The following ARHGAP32 variants were observed in gnomAD, a reference collection of about 807,000 sequenced individuals.
The protein encoded by ARHGAP32 is rho GTPase-activating protein 32.
ARHGAP32 carries 51 observed loss-of-function variants against 186.5 expected under a neutral mutation model. The observed-to-expected ratio is 0.27, with a 90% CI of 0.22 to 0.35. ARHGAP32 has a LOEUF of 0.35. Among genes scored for constraint, ARHGAP32 ranks in the 10% least tolerant of loss-of-function variants. The probability of loss-of-function intolerance (pLI) is 1.00; values close to 1 mark genes in which losing one functional copy is unlikely to be tolerated. For missense variants in ARHGAP32, 2,186 were observed against 2,623.5 expected (o/e 0.83, Z 3.64); for synonymous variants, 950 against 964.3 (o/e 0.99, Z 0.27).
At chr11:129,070,443 G>A (rs1340244164) in intron 6 of ARHGAP32, among the ~76,000 whole-genome samples, 1 of 151,858 alleles carries the variant, frequency 6.6e-6, no homozygotes, top group Non-Finnish European at 1.5e-5. Context: ...CCAGACACTA[G>A]AACAATGCCT....
At chr11:129,236,963 T>C (rs957979804) in intron 1 of ARHGAP32, among the ~76,000 whole-genome samples, 1 of 152,246 alleles carries the variant, frequency 6.6e-6, no homozygotes, top group Non-Finnish European at 1.5e-5. Flanking sequence ...CATAAAGGGA[T>C]GCTGGATTTT....
At chr11:128,989,473 G>A (rs1945973748) in intron 12 of ARHGAP32, among the ~76,000 whole-genome samples, 2 of 145,090 alleles carry the variant, frequency 1.4e-5, no homozygotes, top group Non-Finnish European at 3.0e-5. Flanking sequence ...TCCAACTCAG[G>A]CAGTCCAAGT....
chr11:129,196,290 A>C (rs993685672), upstream of ARHGAP32, among the ~76,000 whole-genome samples: 2 of 152,064 alleles, frequency 1.3e-5, no homozygotes, highest in African/African-American at 4.8e-5. Context: ...CATGAATTCA[A>C]CCTCTTGGTT....
chr11:129,104,994 A>T (rs889006072), intron 5 of ARHGAP32, among the ~76,000 whole-genome samples: 3 of 152,194 alleles, frequency 2.0e-5, no homozygotes, highest in Non-Finnish European at 4.4e-5. Context: ...CCCTATTCAC[A>T]AACTATTGTT....
In ARHGAP32 at chr11:129,011,429, G is replaced by A. The variant is rs187609449; in HGVS notation, c.1046-12961C>T. On this transcript the variant is annotated intron_variant, in intron 11 of 22. Transcript: ENST00000682385. ...AGTGGCTAATAAAAAAATAAACAGGGTGACGTATTAGTGACTTGAAAGAAA... is the reference window on the plus strand; with the variant it reads ...AGTGGCTAATAAAAAAATAAACAGGATGACGTATTAGTGACTTGAAAGAAA... 7.2e-5 allele frequency among the ~76,000 whole-genome samples: 11 copies of A among 152,176 alleles called. No homozygotes were observed. In the East Asian group the frequency reaches 2.1e-3, roughly 29 times the overall value.
intron 2 of ARHGAP32, among the ~76,000 whole-genome samples, chr11:129,149,509 C>T (rs1316767651): frequency 6.6e-6 from 1 of 152,194 alleles, no homozygotes; most frequent in Admixed American, 6.5e-5. Context: ...GGTAGTCCTG[C>T]TGGGTGGCTA....
intron 1 of ARHGAP32, among the ~76,000 whole-genome samples, chr11:129,242,956 C>G (rs1052390020): frequency 6.6e-6 from 1 of 152,100 alleles, no homozygotes; most frequent in Non-Finnish European, 1.5e-5. Context: ...CCCATGACAA[C>G]TTCATCCACT....
intron 2 of ARHGAP32, among the ~76,000 whole-genome samples, chr11:129,134,879 C>G (rs954614577): frequency 6.6e-6 from 1 of 152,132 alleles, no homozygotes; most frequent in African/African-American, 2.4e-5. Flanking sequence ...AAACCCTCAC[C>G]AGACACTGAA....
intron 2 of ARHGAP32, among the ~76,000 whole-genome samples, chr11:129,151,440 T>C (rs1174136415): frequency 6.6e-6 from 1 of 152,166 alleles, no homozygotes; most frequent in African/African-American, 2.4e-5. Context: ...CATCAGTACA[T>C]GGAACATTCT....
intron 19 of ARHGAP32, among the ~76,000 whole-genome samples, chr11:128,977,540 T>C (rs1382660271): frequency 6.6e-6 from 1 of 152,128 alleles, no homozygotes; most frequent in Non-Finnish European, 1.5e-5. Flanking sequence ...TCTCCTGAAA[T>C]ACCATTCTTA....
rs1259072800 is a variant in ARHGAP32, at chr11:128,988,016, A to G, written c.1298+7T>C. 6.2e-7 allele frequency: 1 copy of G among 1,604,130 alleles called. No individual in the cohort carries two copies. Among genetic ancestry groups the G allele is most frequent in the Non-Finnish European group, 8.5e-7 (1 of 1,171,736 alleles). On this transcript the variant is annotated splice_region_variant and intron_variant, in intron 13 of 22. Transcript: ENST00000682385. ...AAGGAGTGAAAAAGTGCCATATAAG[A>G]TTTTACCGTAGTCTCTGGATATTGG...
chr11:129,230,799 T>TA (rs1033227663), intron 1 of ARHGAP32, among the ~76,000 whole-genome samples: 10 of 151,992 alleles, frequency 6.6e-5, no homozygotes, highest in African/African-American at 1.9e-4. Context: ...TAAAAATCCA[T>TA]AAAAAAGAGC....
rs542013534 is a variant in ARHGAP32, at chr11:129,209,303, CA to C, written c.-4-44877del. On this transcript the variant is annotated intron_variant, in intron 1 of 6. Coordinates refer to the ARHGAP32 transcript ENST00000525234. ...CTTAATTTAGTTGAAATCTGCAGCACAAAAGAAGTTAGAGAGAGGCAAGAGA... is the reference window on the plus strand; with the variant it reads ...CTTAATTTAGTTGAAATCTGCAGCACAAAGAAGTTAGAGAGAGGCAAGAGA... Among the ~76,000 whole-genome samples the C allele has an allele frequency of 1.3e-3, 200 of 151,134 alleles. 2 individuals are homozygous for C. Among genetic ancestry groups the C allele is most frequent in the Non-Finnish European group, 2.5e-4 (17 of 67,844 alleles).
At chr11:129,199,954 T>G (rs1298691799) in intron 1 of ARHGAP32, among the ~76,000 whole-genome samples, 2 of 152,220 alleles carry the variant, frequency 1.3e-5, no homozygotes, top group Non-Finnish European at 2.9e-5. Context: ...CAGTGTGACC[T>G]GGGTGTGAGA....
intron 1 of ARHGAP32, among the ~76,000 whole-genome samples, chr11:129,263,546 C>T (rs1389843257): frequency 4.3e-5 from 1 of 23,218 alleles, no homozygotes; most frequent in Admixed American, 4.3e-4. Flanking sequence ...ATTAAAATGG[C>T]TACTGGCAAA....
intron 10 of ARHGAP32, among the ~76,000 whole-genome samples, chr11:129,049,367 T>G (rs891619759): frequency 1.3e-5 from 2 of 152,110 alleles, no homozygotes; most frequent in Admixed American, 1.3e-4. Flanking sequence ...GCTCCTGCAG[T>G]TTTTGCTTCC....
At chr11:129,207,679 T>C (rs1431780414) in intron 1 of ARHGAP32, among the ~76,000 whole-genome samples, 1 of 152,146 alleles carries the variant, frequency 6.6e-6, no homozygotes, top group Admixed American at 6.6e-5. Context: ...TCTCCCATTC[T>C]GTAGGTTGCC....
upstream of ARHGAP32, among the ~76,000 whole-genome samples, chr11:129,193,717 TTATATATTATATATAA>T (rs1944348099): frequency 2.3e-5 from 1 of 43,812 alleles, no homozygotes; most frequent in African/African-American, 7.9e-5. Context: ...ATATTATATA[TTATATATTATATATAA>T]TATATATTAT....
At chr11:129,116,237 C>T (rs1942365267) in intron 5 of ARHGAP32, among the ~76,000 whole-genome samples, 1 of 152,006 alleles carries the variant, frequency 6.6e-6, no homozygotes, top group African/African-American at 2.4e-5. Context: ...CAGTTTCAGA[C>T]TCAACAATAC....
Sources: gnomAD v4.1 joint callset for allele counts (sites outside exome capture counted in the v4.1 genomes callset) on GRCh38, gnomAD v4.1.1 for gene constraint, MANE v1.5 for transcripts, NCBI Gene and HGNC (gene_info 2026-07-23, HGNC 2026-07-21) for gene names.